Variants in EGLN1 observed in about 807,000 individuals in gnomAD.
The protein encoded by EGLN1 is egl-9 family hypoxia inducible factor 1.
A neutral mutation model predicts 38.3 loss-of-function variants in EGLN1; 17 were observed. The observed-to-expected ratio is 0.44, with a 90% CI of 0.30 to 0.67. The LOEUF is 0.67. Among genes scored for constraint, EGLN1 ranks in the 30% least tolerant of loss-of-function variants. The pLI is 0.08. For synonymous variants in EGLN1, 283 were observed against 257.5 expected (o/e 1.10, Z -0.95); for missense variants, 477 against 603.3 (o/e 0.79, Z 2.19).
chr1:231,398,189 A>G (rs534387506), intron 1 of EGLN1, among the ~76,000 whole-genome samples: 3 of 152,364 alleles, frequency 2.0e-5, no homozygotes, highest in South Asian at 4.1e-4. Context: ...AGTTCATTCT[A>G]CCTTGCAGTC....
chr1:231,417,252 T>C (rs1240397815), intron 1 of EGLN1, among the ~76,000 whole-genome samples: 1 of 152,232 alleles, frequency 6.6e-6, no homozygotes, highest in African/African-American at 2.4e-5. Flanking sequence ...TGAAAAATCT[T>C]AGTAATATAA....
intron 1 of EGLN1, among the ~76,000 whole-genome samples, chr1:231,387,452 C>T (rs2808590): frequency 0.55 from 81,841 of 149,722 alleles, 23,838 homozygotes; most frequent in Non-Finnish European, 0.65. Flanking sequence ...CTCCACCTCC[C>T]GGGTTCATGC....
Position 231,366,184 on chromosome 1 carries a change from A to G in EGLN1, c.*227T>C. 1.7e-6 allele frequency: 1 copy of G among 576,280 alleles called. No individual in the cohort carries two copies. Among genetic ancestry groups the G allele is most frequent in the Non-Finnish European group, 3.1e-6 (1 of 325,696 alleles). The allele number at this position is 576,280 out of a possible 1,614,324, so 35.7% of individuals were successfully genotyped here. A position where few individuals can be genotyped will look rare whatever the true frequency, so the allele number is the denominator to read the frequency against. Reference sequence around the variant, plus strand: ...GATGTAAAAACCATTTTCAATTAGTAGCTTATCTTCCTCCTGTAAGCAATC... The same window carrying G: ...GATGTAAAAACCATTTTCAATTAGTGGCTTATCTTCCTCCTGTAAGCAATC... On this transcript the variant is annotated 3_prime_UTR_variant, in exon 5 of 5. Transcript: ENST00000366641.
intron 1 of EGLN1, among the ~76,000 whole-genome samples, chr1:231,394,480 G>A (rs1167004710): frequency 2.0e-5 from 3 of 149,942 alleles, no homozygotes; most frequent in Non-Finnish European, 4.4e-5. Flanking sequence ...CCAGGTTCAC[G>A]CCATTCTCCT....
chr1:231,385,975 G>A (rs940004139), intron 1 of EGLN1, among the ~76,000 whole-genome samples: 1 of 152,050 alleles, frequency 6.6e-6, no homozygotes, highest in Non-Finnish European at 1.5e-5. Flanking sequence ...GAGTAGACTA[G>A]CTAATTTTTA....
rs529761919 is a variant in EGLN1, at chr1:231,374,582, A to G, written c.892-483T>C. 3.9e-5 allele frequency among the ~76,000 whole-genome samples: 6 copies of G among 152,066 alleles called. No homozygotes were observed. The East Asian group carries it at 1.2e-3, about 29-fold the overall frequency. On this transcript the variant is annotated intron_variant, in intron 1 of 4. Transcript: ENST00000366641. ...GCTCAGGTTCGAGTGCAGTGATGCA[A>G]TCATGGCTCACTGCGGCCTCAACCT...
chr1:231,409,094 C>CTAA (rs1433555978), intron 1 of EGLN1, among the ~76,000 whole-genome samples: 1 of 151,920 alleles, frequency 6.6e-6, no homozygotes, highest in South Asian at 2.1e-4. Flanking sequence ...GAACAAGAGA[C>CTAA]TAATAGGAAA....
At position 231,421,438 on chromosome 1, in the gene EGLN1, C is replaced by T. The variant is rs750421640; in HGVS notation, c.451G>A (p.Ala151Thr). The T allele has an allele frequency of 1.3e-6, 2 of 1,529,510 alleles. No individual in the cohort carries two copies. Among genetic ancestry groups the T allele is most frequent in the Admixed American group, 4.0e-5 (2 of 49,504 alleles). The allele number at this position is 1,529,510 out of a possible 1,614,324, so 94.7% of individuals were successfully genotyped here. ...EAEPGKEEPP[A>T]RSSLFQEKAN... ...TTCTCCTGGAACAGCGATGAGCGGG[C>T]CGGCGGCTCCTCCTTGCCGGGCTCG... The change falls in exon 1 of 5, where the codon GCC (alanine) becomes ACC (threonine). Residue 151 changes from alanine (A) to threonine (T), a missense_variant. Physicochemically the swap from Ala to Thr is moderately conservative, Grantham distance 58. This residue lies in a region of EGLN1 where 298 missense variants were observed against 288.9 expected (regional missense o/e 1.03). Transcript: ENST00000366641. The surrounding 1 kb of genome is among the most constrained non-coding windows in gnomAD (Gnocchi z 5.5).
At position 231,421,356 on chromosome 1, in the gene EGLN1, C is replaced by A. The variant is rs765865681; in HGVS notation, c.533G>T (p.Gly178Val). The change falls in exon 1 of 5, where the codon GGC (glycine) becomes GTC (valine). Residue 178 changes from glycine to valine, a missense_variant. Gly to Val is a moderately radical substitution (Grantham distance 109). Transcript: ENST00000366641. The surrounding 1 kb of genome is among the most constrained non-coding windows in gnomAD (Gnocchi z 5.5). ...CTTCGTCTGCCCGTTGGGCCGCAGG[C>A]CGCCGCCGGGGCTCAGCGCATCCCC... is the stretch of plus-strand genomic sequence containing the variant. ...TPGDALSPGG[G>V]LRPNGQTKPL... The A allele has an allele frequency of 5.6e-6, 9 of 1,609,754 alleles. No individual in the cohort carries two copies. In the African/African-American group the frequency reaches 8.0e-5, roughly 14 times the overall value.
chr1:231,419,800 T>C (rs989701137), intron 1 of EGLN1, among the ~76,000 whole-genome samples: 9 of 152,370 alleles, frequency 5.9e-5, no homozygotes, highest in Non-Finnish European at 8.8e-5. Context: ...TCACTGCCTA[T>C]GTTCAGTCTT....
chr1:231,396,063 T>C (rs1558389355), intron 1 of EGLN1, among the ~76,000 whole-genome samples: 1 of 151,118 alleles, frequency 6.6e-6, no homozygotes, highest in African/African-American at 2.4e-5. Flanking sequence ...GCAATAAATG[T>C]CTTTTAGTTC....
At chr1:231,412,569 G>C (rs1229546944) in intron 1 of EGLN1, among the ~76,000 whole-genome samples, 1 of 152,168 alleles carries the variant, frequency 6.6e-6, no homozygotes, top group Non-Finnish European at 1.5e-5. Context: ...TAAAAGTGTT[G>C]CAAGGTTTCC....
intron 1 of EGLN1, among the ~76,000 whole-genome samples, chr1:231,388,913 C>T (rs11804336): frequency 0.55 from 82,878 of 152,002 alleles, 24,206 homozygotes; most frequent in Non-Finnish European, 0.65. Context: ...CCTCAGCCTC[C>T]CAAAATGCTA....
chr1:231,388,943 C>T (rs1688300978), intron 1 of EGLN1, among the ~76,000 whole-genome samples: 1 of 152,204 alleles, frequency 6.6e-6, no homozygotes, highest in Admixed American at 6.5e-5. Flanking sequence ...GCGTGAGCCA[C>T]CGCGCCCAGC....
intron 1 of EGLN1, among the ~76,000 whole-genome samples, chr1:231,380,742 A>ATT (rs1290927058): frequency 6.6e-5 from 10 of 152,200 alleles, no homozygotes; most frequent in African/African-American, 2.4e-4. Flanking sequence ...CCAGCATAGT[A>ATT]AGTTTTAATC....
chr1:231,374,892 G>A (rs1374474463), intron 1 of EGLN1, among the ~76,000 whole-genome samples: 4 of 152,004 alleles, frequency 2.6e-5, no homozygotes, highest in Non-Finnish European at 5.9e-5. Flanking sequence ...GAAGACTGTT[G>A]GATGTTAAGC....
intron 1 of EGLN1, among the ~76,000 whole-genome samples, chr1:231,414,906 T>C (rs2102940513): frequency 6.6e-6 from 1 of 152,030 alleles, no homozygotes; most frequent in Non-Finnish European, 1.5e-5. Context: ...TGGTTAATTT[T>C]TGTATTGTTT....
chr1:231,418,849 A>G (rs1656446893), intron 1 of EGLN1, among the ~76,000 whole-genome samples: 2 of 149,898 alleles, frequency 1.3e-5, no homozygotes, highest in Non-Finnish European at 3.0e-5. Context: ...GCAACAAAGC[A>G]AGACCCTGTC....
At chr1:231,386,872 A>G (rs1265975016) in intron 1 of EGLN1, among the ~76,000 whole-genome samples, 1 of 152,164 alleles carries the variant, frequency 6.6e-6, no homozygotes, top group African/African-American at 2.4e-5. Flanking sequence ...ATATACATAT[A>G]TTTTAGACAC....
Sources: allele counts gnomAD v4.1 joint callset (sites outside exome capture counted in the v4.1 genomes callset), GRCh38; gene constraint gnomAD v4.1.1; regional missense constraint gnomAD v4.1.1; non-coding constraint Gnocchi (gnomAD v3.1); transcripts MANE v1.5; gene names NCBI Gene and HGNC (gene_info 2026-07-23, HGNC 2026-07-21).